KCNMA1: variants seen among roughly 807,000 people sequenced by gnomAD.
KCNMA1 encodes Calcium-activated potassium channel subunit alpha-1.
A neutral mutation model predicts 140.0 loss-of-function variants in KCNMA1; 29 were observed. The observed-to-expected ratio is 0.21, with a 90% CI of 0.15 to 0.28. The LOEUF is 0.28. Among genes scored for constraint, KCNMA1 ranks in the 10% least tolerant of loss-of-function variants. KCNMA1 has a pLI of 1.00. For missense variants in KCNMA1, 880 were observed against 1,602.2 expected (o/e 0.55, Z 7.70); for synonymous variants, 612 against 611.9 (o/e 1.00, Z 0.00).
At chr10:77,012,470 G>A (rs1239384957) in intron 17 of KCNMA1, 3 of 1,550,064 alleles carry the variant, frequency 1.9e-6, no homozygotes, top group Non-Finnish European at 2.6e-6. Flanking sequence ...GCAGAAGTAT[G>A]TCGTTTCTCA....
At chr10:76,918,317 G>T (rs1001608282) in intron 23 of KCNMA1, among the ~76,000 whole-genome samples, 5 of 152,160 alleles carry the variant, frequency 3.3e-5, no homozygotes, top group African/African-American at 1.2e-4. Context: ...TAGAGACATG[G>T]AATGAGAAGT....
At chr10:77,084,079 AG>A (rs1405633174) in intron 12 of KCNMA1, among the ~76,000 whole-genome samples, 1 of 152,058 alleles carries the variant, frequency 6.6e-6, no homozygotes, top group African/African-American at 2.4e-5. Context: ...GGAAAGCCCT[AG>A]TAAGGGTTTT....
chr10:77,278,232 T>C lies in KCNMA1; in HGVS notation c.541-26976A>G, dbSNP rs118158187. ...AACAGAAATATAAAATATGATTCTC[T>C]CCTTTAAGGAATGTATTTTTTCTGA... On this transcript the variant is annotated intron_variant, in intron 2 of 27. Coordinates refer to ENST00000286628, the MANE Select transcript of KCNMA1 (RefSeq NM_001161352.2). Among the ~76,000 whole-genome samples, 41 of 152,286 alleles carry C rather than the reference T, an allele frequency of 2.7e-4. No homozygotes were observed. In the East Asian group the frequency reaches 6.8e-3, roughly 25 times the overall value.
At chr10:77,248,998 C>G (rs1213039324) in intron 3 of KCNMA1, among the ~76,000 whole-genome samples, 5 of 152,126 alleles carry the variant, frequency 3.3e-5, no homozygotes, top group Non-Finnish European at 5.9e-5. Context: ...TATAAATAAC[C>G]AGAAGGTCTT....
intron 12 of KCNMA1, among the ~76,000 whole-genome samples, chr10:77,083,044 A>T (rs1402293748): frequency 6.6e-6 from 1 of 152,182 alleles, no homozygotes; most frequent in Non-Finnish European, 1.5e-5. Flanking sequence ...CTTGACCTTC[A>T]ACCTCAGGTA....
intron 12 of KCNMA1, 179 bp from the exon 13 acceptor site, chr10:77,079,729 G>C: frequency 1.6e-6 from 1 of 641,584 alleles, no homozygotes; most frequent in Non-Finnish European, 2.8e-6. Flanking sequence ...AACAGGGATG[G>C]GGCAGAAGCA....
chr10:77,357,254 T>G (rs1279944674), intron 2 of KCNMA1, among the ~76,000 whole-genome samples: 3 of 152,254 alleles, frequency 2.0e-5, no homozygotes, highest in Non-Finnish European at 4.4e-5. Context: ...GAACCATAGT[T>G]GTCTCACTTG....
At chr10:77,590,360 G>A (rs1407709836) in intron 1 of KCNMA1, among the ~76,000 whole-genome samples, 1 of 152,236 alleles carries the variant, frequency 6.6e-6, no homozygotes, top group African/African-American at 2.4e-5. Flanking sequence ...GGCTCGGGCA[G>A]CACAGGAGCC....
intron 14 of KCNMA1, among the ~76,000 whole-genome samples, chr10:77,070,838 G>C (rs891111967): frequency 6.6e-6 from 1 of 152,180 alleles, no homozygotes; most frequent in African/African-American, 2.4e-5. Context: ...TAGCAATGTA[G>C]AATGGGGAGC....
chr10:77,443,180 G>T (rs2097446844), intron 1 of KCNMA1, among the ~76,000 whole-genome samples: 1 of 152,226 alleles, frequency 6.6e-6, no homozygotes, highest in Non-Finnish European at 1.5e-5. Context: ...GAGGGGGAAA[G>T]GCTGTCCCTC....
chr10:77,603,784 A>G lies in KCNMA1; in HGVS notation c.378+33481T>C, dbSNP rs550294014. 2.0e-5 allele frequency among the ~76,000 whole-genome samples: 3 copies of G among 152,330 alleles called. No homozygotes were observed. In the East Asian group the frequency reaches 5.8e-4, roughly 29 times the overall value. On this transcript the variant is annotated intron_variant, in intron 1 of 27. Transcript: ENST00000286628. ...GACTCTAGTCTCTCAGATCAAGAAC[A>G]GCCCTCAGAAAGGCAATATGGCTCT...
rs2097235091 is a variant in KCNMA1 at position 77,108,116 on chromosome 10, AAGCGTGGCAACGT to A, written c.1223+352_1223+364del. ...GGAATTTGTGAATGGGAGTTGGTCC[AAGCGTGGCAACGT>A]CCTCGGGTCACCTCTGACATCACAC... On this transcript the variant is annotated intron_variant, in intron 9 of 27. Coordinates refer to ENST00000286628, the MANE Select transcript of KCNMA1 (RefSeq NM_001161352.2). The surrounding 1 kb of genome is among the most constrained non-coding windows in gnomAD (Gnocchi z 4.6). 6.6e-6 allele frequency among the ~76,000 whole-genome samples: 1 copy of A among 152,202 alleles called. No homozygotes were observed. The highest frequency in any genetic ancestry group is 1.5e-5 in the Non-Finnish European group (1 of 68,046).
At chr10:76,963,348 G>A (rs2072484947) in intron 20 of KCNMA1, among the ~76,000 whole-genome samples, 1 of 152,178 alleles carries the variant, frequency 6.6e-6, no homozygotes, top group Non-Finnish European at 1.5e-5. Context: ...GACTGTGTAG[G>A]GCTGTGGACC....
chr10:77,628,728 A>G (rs1212117172), intron 1 of KCNMA1, among the ~76,000 whole-genome samples: 13 of 152,074 alleles, frequency 8.5e-5, no homozygotes, highest in African/African-American at 2.4e-5. Context: ...CAACTCTGAT[A>G]ATGGGGAGAT....
chr10:76,951,612 C>T (rs1332132001), intron 21 of KCNMA1, among the ~76,000 whole-genome samples: 2 of 152,206 alleles, frequency 1.3e-5, no homozygotes. Context: ...TTCCCGTGCC[C>T]AGTGGGTACA....
intron 2 of KCNMA1, among the ~76,000 whole-genome samples, chr10:77,308,675 T>C (rs2078461899): frequency 6.6e-6 from 1 of 152,140 alleles, no homozygotes; most frequent in Non-Finnish European, 1.5e-5. Flanking sequence ...GCATGAGGGA[T>C]CACTCATGTG....
intron 1 of KCNMA1, chr10:77,636,417 C>A (rs766251984): frequency 6.5e-7 from 1 of 1,536,152 alleles, no homozygotes; most frequent in Non-Finnish European, 8.7e-7. Flanking sequence ...CCACCTCGAG[C>A]GCCAGGGAAG....
intron 1 of KCNMA1, among the ~76,000 whole-genome samples, chr10:77,461,524 A>G (rs2097866580): frequency 6.6e-6 from 1 of 152,288 alleles, no homozygotes; most frequent in East Asian, 1.9e-4. Context: ...GATTCAGTAC[A>G]GTCTTGGGCT....
At chr10:77,034,078 C>A (rs924531940) in intron 15 of KCNMA1, among the ~76,000 whole-genome samples, 1 of 151,988 alleles carries the variant, frequency 6.6e-6, no homozygotes. Flanking sequence ...CCCGTATCTA[C>A]TAAAAATACA....
Sources: gnomAD v4.1 joint callset for allele counts (sites outside exome capture counted in the v4.1 genomes callset) on GRCh38, gnomAD v4.1.1 for gene constraint, Gnocchi (gnomAD v3.1) non-coding constraint, MANE v1.5 for transcripts, NCBI Gene and HGNC (gene_info 2026-07-23, HGNC 2026-07-21) for gene names.